The following ZSWIM4 variants were observed in gnomAD, a reference collection of about 807,000 sequenced individuals.
The protein encoded by ZSWIM4 is zinc finger SWIM domain-containing protein 4.
ZSWIM4 carries 62 observed loss-of-function variants against 102.5 expected under a neutral mutation model. That is an observed-to-expected ratio of 0.60 (90% CI 0.49 to 0.75). The LOEUF (loss-of-function observed/expected upper bound fraction) is 0.75. Ranked by LOEUF, ZSWIM4 falls within the 30% of genes least tolerant of loss-of-function variation. The pLI is 0.00. For synonymous variants in ZSWIM4, 652 were observed against 674.5 expected (o/e 0.97, Z 0.52); for missense variants, 1,280 against 1,529.6 (o/e 0.84, Z 2.72).
chr19:13,801,725 G>A (rs1974775590), intron 2 of ZSWIM4, among the ~76,000 whole-genome samples: 1 of 149,794 alleles, frequency 6.7e-6, no homozygotes, highest in Admixed American at 6.7e-5. Context: ...AGGCTGGAGT[G>A]CAGTGGCACG....
rs532306894 is a variant in ZSWIM4 at position 13,819,410 on chromosome 19, C to T, written c.1978C>T (p.His660Tyr). 8.1e-5 allele frequency: 131 copies of T among 1,612,750 alleles called. 1 individual carries two copies. The South Asian group carries it at 1.3e-3, about 16-fold the overall frequency. The change falls in exon 10 of 14, where the codon CAC becomes TAC. Residue 660 changes from histidine to tyrosine, a missense_variant. By Grantham distance (83) the His-to-Tyr change is moderately conservative. Coordinates refer to ENST00000590508, the MANE Select transcript of ZSWIM4 (RefSeq NM_001367834.3). ...EVLFRESVPM[H>Y]TCARYLFTAL... ...GCTGTTCCGGGAGAGCGTGCCCATG[C>T]ACACCTGTGCCCGCTACCTGTTCAC...
At chr19:13,797,092 C>T (rs996536496) in intron 1 of ZSWIM4, among the ~76,000 whole-genome samples, 3 of 152,158 alleles carry the variant, frequency 2.0e-5, no homozygotes, top group Non-Finnish European at 2.9e-5. Context: ...AAACCATCTC[C>T]GAGCCTCCCA....
chr19:13,819,793 G>C (rs1451962781), intron 10 of ZSWIM4, among the ~76,000 whole-genome samples: 1 of 150,954 alleles, frequency 6.6e-6, no homozygotes, highest in South Asian at 2.1e-4. Flanking sequence ...TCAGCCTCCC[G>C]AGTGGCTAGG....
intron 10 of ZSWIM4, among the ~76,000 whole-genome samples, chr19:13,822,544 T>C (rs1050014453): frequency 2.0e-5 from 3 of 152,294 alleles, no homozygotes; most frequent in South Asian, 2.1e-4. Flanking sequence ...AATTAAGTCA[T>C]TGAAATACAG....
At chr19:13,807,292 A>C (rs1456174692) in intron 3 of ZSWIM4, among the ~76,000 whole-genome samples, 2 of 150,648 alleles carry the variant, frequency 1.3e-5, no homozygotes, top group Non-Finnish European at 1.5e-5. Flanking sequence ...GGTTGTTTAA[A>C]GGGTATGGAC....
At chr19:13,824,206 G>A (rs1975544608) in intron 11 of ZSWIM4, among the ~76,000 whole-genome samples, 2 of 152,144 alleles carry the variant, frequency 1.3e-5, no homozygotes, top group Admixed American at 1.3e-4. Context: ...AATTTCTCCA[G>A]TGTATCTTCT....
At chr19:13,814,450 C>T in intron 6 of ZSWIM4, 65 bp from the exon 7 acceptor site, 1 of 956,112 alleles carries the variant, frequency 1.0e-6, no homozygotes, top group Non-Finnish European at 1.3e-6. Context: ...GTGGGAAAAG[C>T]TGGACACGGC....
In ZSWIM4 at chr19:13,814,653, T is replaced by C; in HGVS notation, c.1319T>C (p.Leu440Pro). ...GCCAGTGACTCCTACGGGCCCAGCC[T>C]CACAGGCAGCGTGGGTGGGGACAAA... ...ILASDSYGPS[L>P]TGSVGGDKPT... The change falls in exon 7 of 14, where the codon CTC (leucine) becomes CCC (proline). Residue 440 changes from leucine to proline, a missense_variant. By Grantham distance (98) the Leu-to-Pro change is moderately conservative. Transcript: ENST00000590508. 7.9e-7 allele frequency: 1 copy of C among 1,271,260 alleles called. No individual in the cohort carries two copies. The highest frequency in any genetic ancestry group is 1.0e-6 in the Non-Finnish European group (1 of 976,242). 78.7% of individuals were successfully genotyped at this position (1,271,260 alleles called of 1,614,324 possible).
chr19:13,811,637 C>T (rs1975095534), intron 5 of ZSWIM4, among the ~76,000 whole-genome samples: 1 of 152,118 alleles, frequency 6.6e-6, no homozygotes, highest in African/African-American at 2.4e-5. Context: ...AGTTCGAGTG[C>T]AGCTTAGACG....
rs1975627110 is a variant in ZSWIM4, at chr19:13,826,932, T to A, written c.2379+1219T>A. Among the ~76,000 whole-genome samples, 2 of 151,088 alleles carry A rather than the reference T, an allele frequency of 1.3e-5. 1 individual carries two copies. Among genetic ancestry groups the A allele is most frequent in the South Asian group, 4.2e-4 (2 of 4,802 alleles). On this transcript the variant is annotated intron_variant, in intron 12 of 13. Transcript: ENST00000590508. The stretch of plus-strand genomic sequence containing the variant: ...CCATGGGACCTGGAGGAGGGTGGGG[T>A]CTGCAGGATAGACAGGTAAGGGGCG...
intron 13 of ZSWIM4, among the ~76,000 whole-genome samples, 184 bp from the exon 14 acceptor site, chr19:13,830,007 T>G (rs1179773768): frequency 2.6e-5 from 4 of 152,100 alleles, no homozygotes; most frequent in African/African-American, 9.7e-5. Flanking sequence ...GCTCCAAAGC[T>G]TAGCCTTCTA....
At position 13,831,198 on chromosome 19, in the gene ZSWIM4, C is replaced by A; in HGVS notation, c.*148C>A. The A allele has an allele frequency of 9.9e-7, 1 of 1,009,964 alleles. No homozygotes were observed. The highest frequency in any genetic ancestry group is 1.4e-6 in the Non-Finnish European group (1 of 710,466). 62.6% of individuals were successfully genotyped at this position (1,009,964 alleles called of 1,614,324 possible). A position where few individuals can be genotyped will look rare whatever the true frequency, so the allele number is the denominator to read the frequency against. On this transcript the variant is annotated 3_prime_UTR_variant, in exon 14 of 14. Transcript: ENST00000590508. ...TGGGGGCAGGGGGAGCAGCATCCTG[C>A]CACGTGTGTGCCTGGGAGTCTGTGA...
intron 7 of ZSWIM4, among the ~76,000 whole-genome samples, chr19:13,816,714 A>G (rs1975298187): frequency 6.6e-6 from 1 of 152,164 alleles, no homozygotes; most frequent in South Asian, 2.1e-4. Context: ...TAGAAGGAAC[A>G]CCATGAGCAG....
chr19:13,824,734 AAATAATAAT>A (rs59668197), intron 11 of ZSWIM4, among the ~76,000 whole-genome samples: 271 of 146,800 alleles, frequency 1.8e-3, no homozygotes, highest in East Asian at 4.2e-3. Context: ...CTCCATCTCA[AAATAATAAT>A]AATAATAATA....
Position 13,795,691 on chromosome 19 carries a change from G to A in ZSWIM4, c.43G>A (p.Gly15Arg), listed in dbSNP as rs1974590511. ...CAAGCGGAGCCGGGGCTGCCCCGCG[G>A]GACCCGAGGAGCGCGATGCCGGGGC... Reference protein sequence around the residue: ...AAKRSRGCPAGPEERDAGAGA... With the variant: ...AAKRSRGCPARPEERDAGAGA... Residue 15 changes from glycine (G) to arginine (R), a missense_variant, in exon 1 of 14, where the codon GGA becomes AGA. By Grantham distance (125) the Gly-to-Arg change is moderately radical. Transcript: ENST00000590508. The A allele has an allele frequency of 9.0e-7, 1 of 1,110,094 alleles. No homozygotes were observed. Among genetic ancestry groups the A allele is most frequent in the African/African-American group, 1.6e-5 (1 of 61,320 alleles). The allele number at this position is 1,110,094 out of a possible 1,614,324, so 68.8% of individuals were successfully genotyped here.
intron 11 of ZSWIM4, among the ~76,000 whole-genome samples, chr19:13,824,756 A>AATAATG (rs199501273): frequency 0.017 from 1,094 of 65,872 alleles, 16 homozygotes; most frequent in African/African-American, 0.095. Flanking sequence ...TAATAATAAT[A>AATAATG]ATAATAATAA....
intron 12 of ZSWIM4, among the ~76,000 whole-genome samples, chr19:13,826,771 G>GA (rs1225654655): frequency 1.3e-5 from 2 of 148,884 alleles, no homozygotes; most frequent in African/African-American, 2.5e-5. Context: ...TCTTGGGGAA[G>GA]AAAAAAAAAA....
At chr19:13,827,852 A>G (rs1868902337) in intron 12 of ZSWIM4, among the ~76,000 whole-genome samples, 3 of 152,096 alleles carry the variant, frequency 2.0e-5, no homozygotes, top group Non-Finnish European at 4.4e-5. Flanking sequence ...GGTGGGACCT[A>G]GTGAAGGTGG....
At chr19:13,804,705 G>A (rs775042087) in intron 2 of ZSWIM4, 87 bp from the exon 3 acceptor site, 2 of 1,106,598 alleles carry the variant, frequency 1.8e-6, no homozygotes, top group African/African-American at 1.6e-5. Context: ...TGACTCGGCT[G>A]GGCTTTGCAA....
Sources: allele counts gnomAD v4.1 joint callset (sites outside exome capture counted in the v4.1 genomes callset), GRCh38; gene constraint gnomAD v4.1.1; transcripts MANE v1.5; gene names NCBI Gene and HGNC (gene_info 2026-07-23, HGNC 2026-07-21).